Variants in RPL22 observed in about 807,000 individuals in gnomAD.
The protein encoded by RPL22 is large ribosomal subunit protein eL22.
In RPL22, 4 loss-of-function variants were observed where a neutral mutation model predicts 16.2. The ratio of observed to expected loss-of-function variants is 0.25; its 90% CI spans 0.12 to 0.57. The LOEUF (loss-of-function observed/expected upper bound fraction) is 0.57. Among genes scored for constraint, RPL22 ranks in the 20% least tolerant of loss-of-function variants. RPL22 has a pLI of 0.92. For synonymous variants in RPL22, 43 were observed against 54.8 expected (o/e 0.78, Z 0.95); for missense variants, 83 against 156.1 (o/e 0.53, Z 2.49).
At chr1:6,191,353 C>T (rs1171526933) in intron 3 of RPL22, among the ~76,000 whole-genome samples, 1 of 109,308 alleles carries the variant, frequency 9.1e-6, no homozygotes, top group Admixed American at 1.0e-4. Flanking sequence ...GAGTGAGACT[C>T]CGTCTCAAAA....
intron 3 of RPL22, among the ~76,000 whole-genome samples, chr1:6,189,740 T>A (rs2100902538): frequency 6.6e-6 from 1 of 151,862 alleles, no homozygotes; most frequent in East Asian, 1.9e-4. Flanking sequence ...GCCAACATGA[T>A]GAAACCCCCT....
intron 2 of RPL22, among the ~76,000 whole-genome samples, chr1:6,193,402 G>GCAACCTC: frequency 6.7e-6 from 1 of 150,254 alleles, no homozygotes; most frequent in East Asian, 2.0e-4. Flanking sequence ...TCGGCTCACT[G>GCAACCTC]CAACCTCCGC....
In RPL22 at chr1:6,197,985, G is replaced by T. The variant is rs115308536; in HGVS notation, c.13-229C>A. 1,038 of 567,096 alleles carry T rather than the reference G, an allele frequency of 1.8e-3. 5 individuals carry two copies. Among genetic ancestry groups the T allele is most frequent in the African/African-American group, 0.018 (936 of 53,388 alleles). The allele number at this position is 567,096 out of a possible 1,614,324, so 35.1% of individuals were successfully genotyped here. A position where few individuals can be genotyped will look rare whatever the true frequency, so the allele number is the denominator to read the frequency against. ...GGCCTGGGGTCATGCCCTTTTGATG[G>T]GGAAATCATTCTAGCACTCTTGACT... On this transcript the variant is annotated intron_variant, in intron 1 of 3. Transcript: ENST00000234875.
rs1053372206 is a variant in RPL22 at position 6,186,882 on chromosome 1, T to C, written c.243-66A>G. 21 of 1,590,918 alleles carry C rather than the reference T, an allele frequency of 1.3e-5. No individual in the cohort carries two copies. The African/African-American group carries it at 2.6e-4, about 20-fold the overall frequency. On this transcript the variant is annotated intron_variant, in intron 3 of 3. Coordinates refer to ENST00000234875, the MANE Select transcript of RPL22 (RefSeq NM_000983.4). ...GCTTGCATTCTAAAACATTTTAACA[T>C]TTATAAAACCCAGCACTCAAAATCA...
At chr1:6,197,597 A>T in intron 2 of RPL22, 55 bp downstream of exon 2, 1 of 1,199,586 alleles carries the variant, frequency 8.3e-7, no homozygotes, top group Non-Finnish European at 1.2e-6. Flanking sequence ...AGGTTTTCTC[A>T]ACAGTATCTC....
intron 2 of RPL22, 146 bp from the exon 3 acceptor site, chr1:6,193,200 C>CAGTCTCAACCTCCCAAGCTCA: frequency 2.2e-6 from 2 of 890,300 alleles, no homozygotes; most frequent in Non-Finnish European, 3.5e-6. Flanking sequence ...CAGCTCACTG[C>CAGTCTCAACCTCCCAAGCTCA]AGTCTCAACC....
chr1:6,197,981 G>C, intron 1 of RPL22: 1 of 571,464 alleles, frequency 1.7e-6, no homozygotes, highest in Non-Finnish European at 3.1e-6. Flanking sequence ...ATGCCCTTTT[G>C]ATGGGGAAAT....
chr1:6,193,304 G>A (rs2100905279), intron 2 of RPL22, among the ~76,000 whole-genome samples: 1 of 150,706 alleles, frequency 6.6e-6, no homozygotes, highest in East Asian at 1.9e-4. Context: ...CATCCCACCT[G>A]GCCCCAGCTG....
rs2143367 is a variant in RPL22, at chr1:6,199,507, G to C, written c.12+55C>G. On this transcript the variant is annotated intron_variant, in intron 1 of 3. Coordinates refer to ENST00000234875, the MANE Select transcript of RPL22 (RefSeq NM_000983.4). Reference sequence around the variant, plus strand: ...GCGAGCCTGGGTAGATGCCGGGCTCGGCGAGGCCCACGTGCCTCCCCTGGA... The same window carrying C: ...GCGAGCCTGGGTAGATGCCGGGCTCCGCGAGGCCCACGTGCCTCCCCTGGA... 3,264 of 1,544,840 alleles carry C rather than the reference G, an allele frequency of 2.1e-3. 55 individuals carry two copies. In the African/African-American group the frequency reaches 0.027, roughly 13 times the overall value.
intron 2 of RPL22, among the ~76,000 whole-genome samples, chr1:6,194,593 AAT>A (rs1474702435): frequency 2.0e-5 from 3 of 152,180 alleles, no homozygotes; most frequent in Non-Finnish European, 4.4e-5. Context: ...TCCAATACAA[AAT>A]ATGTTAACTG....
At chr1:6,187,613 C>CAAA (rs796081884) in intron 3 of RPL22, among the ~76,000 whole-genome samples, 71 of 72,664 alleles carry the variant, frequency 9.8e-4, no homozygotes, top group African/African-American at 2.2e-3. Context: ...GACTCCATCT[C>CAAA]AAAAAAAAAA....
intron 2 of RPL22, among the ~76,000 whole-genome samples, chr1:6,197,188 C>T (rs1314204058): frequency 6.6e-6 from 1 of 152,180 alleles, no homozygotes; most frequent in Admixed American, 6.5e-5. Flanking sequence ...CACCACCACA[C>T]CCAGCTAATT....
intron 1 of RPL22, 145 bp from the exon 2 acceptor site, chr1:6,197,901 A>G (rs1025793512): frequency 1.5e-6 from 1 of 670,426 alleles, no homozygotes; most frequent in Non-Finnish European, 2.6e-6. Flanking sequence ...GAGGGCCAAG[A>G]GGCATCACTG....
intron 1 of RPL22, 92 bp from the exon 2 acceptor site, chr1:6,197,848 TCC>T: frequency 1.1e-6 from 1 of 925,574 alleles, no homozygotes; most frequent in Non-Finnish European, 1.7e-6. Flanking sequence ...GGTATAAAAG[TCC>T]ATACAAATAC....
intron 2 of RPL22, among the ~76,000 whole-genome samples, chr1:6,195,378 G>A (rs908837609): frequency 1.3e-5 from 2 of 150,760 alleles, no homozygotes; most frequent in African/African-American, 4.9e-5. Context: ...ATGGGAGGCG[G>A]AGCTTGCAGT....
intron 3 of RPL22, among the ~76,000 whole-genome samples, chr1:6,191,290 C>T (rs1225213016): frequency 6.8e-6 from 1 of 146,444 alleles, no homozygotes; most frequent in Non-Finnish European, 1.5e-5. Flanking sequence ...AACCCAGAAG[C>T]CGGAGGTTGC....
At position 6,192,955 on chromosome 1, in the gene RPL22, T is replaced by A. The variant is rs1667671073; in HGVS notation, c.217A>T (p.Thr73Ser). The change falls in exon 3 of 4, where the codon ACA becomes TCA. Residue 73 changes from threonine to serine, a missense_variant. Physicochemically the swap from Thr to Ser is moderately conservative, Grantham distance 58 (BLOSUM62 1). Coordinates refer to ENST00000234875, the MANE Select transcript of RPL22 (RefSeq NM_000983.4). ...CTTTTGGAGAAAGGCACCTCGGATG[T>A]CACGGTGATCTTGCTCTTGCTCCTT... ...IERSKSKITVTSEVPFSKRYL... is the reference protein window; with the variant it reads ...IERSKSKITVSSEVPFSKRYL... 5 of 1,613,646 alleles carry A rather than the reference T, an allele frequency of 3.1e-6. No homozygotes were observed. Among genetic ancestry groups the A allele is most frequent in the Non-Finnish European group, 4.2e-6 (5 of 1,180,030 alleles).
intron 2 of RPL22, among the ~76,000 whole-genome samples, chr1:6,195,342 G>A (rs1291871752): frequency 2.0e-5 from 3 of 151,752 alleles, no homozygotes; most frequent in Non-Finnish European, 4.4e-5. Context: ...CTATTCGGGA[G>A]GCTGAGGCAG....
At chr1:6,197,882 C>A in intron 1 of RPL22, 126 bp from the exon 2 acceptor site, 1 of 747,714 alleles carries the variant, frequency 1.3e-6, no homozygotes, top group Non-Finnish European at 2.3e-6. Context: ...AAGTGTGCTC[C>A]CTTTGCCAGA....
Sources: gnomAD v4.1 joint callset for allele counts (sites outside exome capture counted in the v4.1 genomes callset) on GRCh38, gnomAD v4.1.1 for gene constraint, MANE v1.5 for transcripts, NCBI Gene and HGNC (gene_info 2026-07-23, HGNC 2026-07-21) for gene names.